The following MTRR variants were observed in gnomAD, a reference collection of about 807,000 sequenced individuals.
MTRR encodes the protein methionine synthase reductase.
Under a neutral mutation model 79.2 loss-of-function variants are expected in MTRR, and 63 were observed. The observed-to-expected ratio is 0.80, with a 90% CI of 0.65 to 0.98. The LOEUF is 0.98. Among genes scored for constraint, MTRR ranks in the 50% least tolerant of loss-of-function variants. MTRR has a pLI of 0.00. For missense variants in MTRR, 895 were observed against 839.6 expected (o/e 1.07, Z -0.82); for synonymous variants, 355 against 313.3 (o/e 1.13, Z -1.41).
chr5:7,899,371 G>T (rs1246693784), intron 14 of MTRR, among the ~76,000 whole-genome samples: 2 of 152,212 alleles, frequency 1.3e-5, no homozygotes, highest in African/African-American at 4.8e-5. Flanking sequence ...AGAGAGGACT[G>T]CAAGAGCACC....
At chr5:7,887,576 A>G (rs1252079198) in intron 8 of MTRR, among the ~76,000 whole-genome samples, 1 of 147,674 alleles carries the variant, frequency 6.8e-6, no homozygotes, top group Non-Finnish European at 1.5e-5. Context: ...TTATATATAT[A>G]TATATTCCAT....
chr5:7,859,924 A>G (rs766366057), intron 1 of MTRR, among the ~76,000 whole-genome samples: 8 of 152,138 alleles, frequency 5.3e-5, no homozygotes, highest in Admixed American at 6.5e-5. Flanking sequence ...GATGCCGACA[A>G]ACTGCTGGAA....
chr5:7,877,883 T>G lies in MTRR; in HGVS notation c.402-61T>G, dbSNP rs926623271. On this transcript the variant is annotated intron_variant, in intron 4 of 14. Transcript: ENST00000440940. ...AATGGACAGACTGTCATTATCCTGT[T>G]CTGTGTTCAGATGGAGAACTTAGGC... is the stretch of plus-strand genomic sequence containing the variant. The G allele has an allele frequency of 5.0e-6, 8 of 1,599,920 alleles. No individual in the cohort carries two copies. In the African/African-American group the frequency reaches 8.0e-5, roughly 16 times the overall value.
chr5:7,851,235 C>T, exon 1 of MTRR: 2 of 451,710 alleles, frequency 4.4e-6, no homozygotes, highest in Admixed American at 8.9e-5. Context: ...CCTCCCGGCC[C>T]CTCGACTACA....
At chr5:7,887,707 A>G in intron 8 of MTRR, among the ~76,000 whole-genome samples, 1 of 146,580 alleles carries the variant, frequency 6.8e-6, no homozygotes, top group Admixed American at 6.8e-5. Context: ...AAATTTGTGT[A>G]AAGTGTGTGT....
intron 2 of MTRR, chr5:7,863,089 T>C: frequency 9.3e-7 from 1 of 1,078,228 alleles, no homozygotes. Context: ...AAGTTTGATA[T>C]AACATTACTT....
intron 12 of MTRR, 75 bp downstream of exon 12, chr5:7,895,927 T>C: frequency 6.4e-7 from 1 of 1,556,912 alleles, no homozygotes; most frequent in South Asian, 1.2e-5. Context: ...ATTTTGAGGA[T>C]AATTGGACTT....
chr5:7,868,200 GAAAAAAAAAAAA>G, upstream of MTRR: 2 of 222,566 alleles, frequency 9.0e-6, no homozygotes, highest in South Asian at 2.3e-4. Context: ...CGAGTATCTG[GAAAAAAAAAAAA>G]AAAAAAAAAA....
chr5:7,877,437 A>G (rs1462144976), intron 4 of MTRR, among the ~76,000 whole-genome samples: 1 of 150,682 alleles, frequency 6.6e-6, no homozygotes, highest in African/African-American at 2.5e-5. Flanking sequence ...GCATTAATCC[A>G]TAGTGATTTC....
At chr5:7,899,102 G>T (rs1010255723) in intron 14 of MTRR, among the ~76,000 whole-genome samples, 1 of 152,052 alleles carries the variant, frequency 6.6e-6, no homozygotes, top group Non-Finnish European at 1.5e-5. Flanking sequence ...GATCTCTCAG[G>T]AACTCAGAGG....
chr5:7,896,915 G>C lies in MTRR; in HGVS notation c.1728G>C (p.Leu576Phe). Residue 576 changes from leucine to phenylalanine, a missense_variant, in exon 13 of 15, where the codon TTG becomes TTC. By Grantham distance (22) the Leu-to-Phe change is conservative. Transcript: ENST00000440940. ...ATGGAAATTTTGGAGCAATGTGGTT[G>C]TTTTTTGGCTGCAGGCATAAGGATA... ...HPDGNFGAMW[L>F]FFGCRHKDRD... The C allele has an allele frequency of 6.2e-7, 1 of 1,613,990 alleles. No individual in the cohort carries two copies. The highest frequency in any genetic ancestry group is 8.5e-7 in the Non-Finnish European group (1 of 1,179,972).
At chr5:7,852,142 GT>G (rs1353013998) in intron 1 of MTRR, among the ~76,000 whole-genome samples, 1 of 152,214 alleles carries the variant, frequency 6.6e-6, no homozygotes, top group Admixed American at 6.5e-5. Context: ...GAACAGATAG[GT>G]GGGGGCCTGA....
At chr5:7,872,025 G>T (rs1241268417) in intron 2 of MTRR, among the ~76,000 whole-genome samples, 2 of 151,960 alleles carry the variant, frequency 1.3e-5, no homozygotes, top group East Asian at 3.9e-4. Context: ...TTAACACCAA[G>T]ATAGTCATGC....
chr5:7,891,048 G>A (rs1252890278), intron 9 of MTRR, among the ~76,000 whole-genome samples: 1 of 151,716 alleles, frequency 6.6e-6, no homozygotes, highest in Non-Finnish European at 1.5e-5. Flanking sequence ...TACCTAGTAA[G>A]GGTTTGCTGA....
intron 10 of MTRR, among the ~76,000 whole-genome samples, chr5:7,891,810 AGGCG>A (rs879566097): frequency 6.6e-6 from 1 of 152,168 alleles, no homozygotes; most frequent in Non-Finnish European, 1.5e-5. Context: ...TGGGAGGCCG[AGGCG>A]GGCGGATCAT....
rs1561157424 is a variant in MTRR at position 7,873,472 on chromosome 5, C to T, written c.229C>T (p.Gln77Ter). The T allele has an allele frequency of 6.2e-7, 1 of 1,614,144 alleles. No homozygotes were observed. Among genetic ancestry groups the T allele is most frequent in the Non-Finnish European group, 8.5e-7 (1 of 1,180,014 alleles). ...AGCCCGCAAGTTTGTTAAGGAAATACAGAACCAAACACTGCCGGTTGATTT... is the reference window on the plus strand; with the variant it reads ...AGCCCGCAAGTTTGTTAAGGAAATATAGAACCAAACACTGCCGGTTGATTT... ...DTARKFVKEI[Q>*]NQTLPVDFFA... is the part of the protein sequence containing the mutation. The change falls in exon 3 of 15, where the codon CAG becomes TAG. Residue 77 changes from glutamine to a stop codon, truncating the protein, a stop_gained. Coordinates refer to ENST00000440940, the MANE Select transcript of MTRR (RefSeq NM_002454.3). LOFTEE classifies it high-confidence loss of function.
At chr5:7,895,899 G>A (rs370230439) in intron 12 of MTRR, 47 bp downstream of exon 12, 22 of 1,611,160 alleles carry the variant, frequency 1.4e-5, no homozygotes, top group South Asian at 5.5e-5. Flanking sequence ...CTGAGTAACC[G>A]TTTTTGTTTC....
rs746809585 is a variant in MTRR at position 7,862,966 on chromosome 5, T to G, written n.498+909T>G. ...GGAACAGCATGGGGTAAGAAATGAC[T>G]TCACTTGATATTTAGGAAGGAGTTT... On this transcript the variant is annotated intron_variant and non_coding_transcript_variant, in intron 2 of 3. Transcript: ENST00000502509. The G allele has an allele frequency of 1.2e-5, 19 of 1,613,796 alleles. No individual in the cohort carries two copies. The highest frequency in any genetic ancestry group is 8.3e-5 in the Admixed American group (5 of 59,960).
intron 4 of MTRR, among the ~76,000 whole-genome samples, chr5:7,877,735 C>CA (rs1734818038): frequency 6.6e-6 from 1 of 152,082 alleles, no homozygotes; most frequent in Non-Finnish European, 1.5e-5. Flanking sequence ...TATACATACT[C>CA]ATGTTTTCAG....
Sources: gnomAD v4.1 joint callset for allele counts (sites outside exome capture counted in the v4.1 genomes callset) on GRCh38, gnomAD v4.1.1 for gene constraint, MANE v1.5 for transcripts, NCBI Gene and HGNC (gene_info 2026-07-23, HGNC 2026-07-21) for gene names.